BPNT2: variants seen among roughly 807,000 people sequenced by gnomAD.
BPNT2 encodes 3'(2'), 5'-bisphosphate nucleotidase 2.
A neutral mutation model predicts 29.3 loss-of-function variants in BPNT2; 11 were observed. That is an observed-to-expected ratio of 0.38 (90% CI 0.24 to 0.62). The LOEUF is 0.62. Ranked by LOEUF, BPNT2 falls within the 20% of genes least tolerant of loss-of-function variation. The probability of loss-of-function intolerance (pLI) is 0.62; values close to 1 mark genes in which losing one functional copy is unlikely to be tolerated. For synonymous variants in BPNT2, 195 were observed against 187.7 expected, an observed-to-expected ratio of 1.04 and a Z score of -0.32; for missense variants, 459 against 473.4, an observed-to-expected ratio of 0.97 and a Z score of 0.28.
chr8:56,959,576 A>G lies in BPNT2; in HGVS notation c.*4217T>C, dbSNP rs1805792778. On this transcript the variant is annotated 3_prime_UTR_variant, in exon 5 of 5. Transcript: ENST00000262644. Reference sequence around the variant, plus strand: ...TTTTAAACCAAAATGACTGTAGAGGACTAACAGCACACTGAAATAATTTAT... The same window carrying G: ...TTTTAAACCAAAATGACTGTAGAGGGCTAACAGCACACTGAAATAATTTAT... The G allele has an allele frequency of 6.6e-6, 1 of 152,336 alleles. No individual in the cohort carries two copies. The highest frequency in any genetic ancestry group is 2.1e-4 in the South Asian group (1 of 4,826). The allele number at this position is 152,336 out of a possible 1,614,324, so 9.4% of individuals were successfully genotyped here.
intron 4 of BPNT2, 94 bp from the exon 5 acceptor site, chr8:56,964,158 T>A (rs1404795537): frequency 1.1e-6 from 1 of 911,188 alleles, no homozygotes; most frequent in Non-Finnish European, 1.7e-6. Context: ...AATAGCAGGA[T>A]GGAGTGTGCA....
At chr8:56,981,941 G>A (rs1806252164) in intron 1 of BPNT2, among the ~76,000 whole-genome samples, 1 of 152,034 alleles carries the variant, frequency 6.6e-6, no homozygotes, top group Non-Finnish European at 1.5e-5. Flanking sequence ...CAATACATGA[G>A]TATTGTCAAT....
chr8:56,973,210 G>A (rs1272196779), intron 3 of BPNT2, among the ~76,000 whole-genome samples: 3 of 151,938 alleles, frequency 2.0e-5, no homozygotes, highest in South Asian at 2.1e-4. Flanking sequence ...CCTGGCTACC[G>A]AGAACCCCAT....
intron 3 of BPNT2, among the ~76,000 whole-genome samples, chr8:56,967,955 A>G (rs1805976796): frequency 6.6e-6 from 1 of 152,222 alleles, no homozygotes; most frequent in Non-Finnish European, 1.5e-5. Context: ...ATCCCACAAT[A>G]GCTGGCCCAA....
At chr8:56,993,047 C>T (rs1208507134) in intron 1 of BPNT2, 152 bp downstream of exon 1, 1 of 1,488,998 alleles carries the variant, frequency 6.7e-7, no homozygotes, top group Admixed American at 2.0e-5. Flanking sequence ...AGCTCCTCTG[C>T]TGTCTGTCTG....
chr8:56,992,670 T>C (rs897042777), intron 1 of BPNT2, among the ~76,000 whole-genome samples: 1 of 151,536 alleles, frequency 6.6e-6, no homozygotes, highest in Non-Finnish European at 1.5e-5. Flanking sequence ...GACAGCGAAA[T>C]GAGCATACTC....
Position 56,958,166 on chromosome 8 carries a change from A to G in BPNT2, c.*5627T>C, listed in dbSNP as rs973036238. 6.6e-6 allele frequency: 1 copy of G among 152,190 alleles called. No individual in the cohort carries two copies. The highest frequency in any genetic ancestry group is 2.4e-5 in the African/African-American group (1 of 41,436). The allele number at this position is 152,190 out of a possible 1,614,324, so 9.4% of individuals were successfully genotyped here. ...AAACAAACAACCAGCTTATACAACC[A>G]AGGCACAAAATATGCTAATGCTAAT... On this transcript the variant is annotated 3_prime_UTR_variant, in exon 5 of 5. Coordinates refer to ENST00000262644, the MANE Select transcript of BPNT2 (RefSeq NM_017813.5).
chr8:56,979,899 A>G (rs1806211598), intron 2 of BPNT2, 136 bp downstream of exon 2: 1 of 772,096 alleles, frequency 1.3e-6, no homozygotes, highest in East Asian at 2.7e-5. Context: ...AATATAAAAC[A>G]TTTTGCTACT....
At chr8:56,968,245 C>T (rs1018000663) in intron 3 of BPNT2, among the ~76,000 whole-genome samples, 3 of 151,554 alleles carry the variant, frequency 2.0e-5, no homozygotes, top group African/African-American at 4.8e-5. Flanking sequence ...AAGAAAAGAA[C>T]AAAATCACTG....
chr8:56,988,009 T>A (rs937329216), intron 1 of BPNT2, among the ~76,000 whole-genome samples: 3 of 152,130 alleles, frequency 2.0e-5, no homozygotes, highest in Admixed American at 6.5e-5. Flanking sequence ...ATTACAGGCA[T>A]GAGCCACCAC....
At chr8:56,966,107 C>T in intron 4 of BPNT2, 84 bp downstream of exon 4, 1 of 1,456,952 alleles carries the variant, frequency 6.9e-7, no homozygotes, top group Non-Finnish European at 9.6e-7. Flanking sequence ...TCCTCCCAAG[C>T]ATGGACAAGC....
rs1563401741 is a variant in BPNT2 at position 56,958,504 on chromosome 8, G to A, written c.*5289C>T. 1 of 152,082 alleles carries A rather than the reference G, an allele frequency of 6.6e-6. No homozygotes were observed. The highest frequency in any genetic ancestry group is 1.5e-5 in the Non-Finnish European group (1 of 68,014). 9.4% of individuals were successfully genotyped at this position (152,082 alleles called of 1,614,324 possible). A position where few individuals can be genotyped will look rare whatever the true frequency, so the allele number is the denominator to read the frequency against. On this transcript the variant is annotated 3_prime_UTR_variant, in exon 5 of 5. Transcript: ENST00000262644. ...TAAGCATGTGACGGCAACAGCTAAT[G>A]GTCTAGTTCCTCCATGGCTTTAAAT... is the stretch of plus-strand genomic sequence containing the variant.
chr8:56,991,202 C>T (rs1031749985), intron 1 of BPNT2, among the ~76,000 whole-genome samples: 4 of 152,232 alleles, frequency 2.6e-5, no homozygotes, highest in Non-Finnish European at 4.4e-5. Flanking sequence ...TACTTTGACA[C>T]TGTATAAATG....
In BPNT2 at chr8:56,962,144, TTGAA is replaced by T. The variant is rs1805848609; in HGVS notation, c.*1645_*1648del. 6.6e-6 allele frequency: 1 copy of T among 152,146 alleles called. No individual in the cohort carries two copies. Among genetic ancestry groups the T allele is most frequent in the African/African-American group, 2.4e-5 (1 of 41,450 alleles). The allele number at this position is 152,146 out of a possible 1,614,324, so 9.4% of individuals were successfully genotyped here. On this transcript the variant is annotated 3_prime_UTR_variant, in exon 5 of 5. Coordinates refer to ENST00000262644, the MANE Select transcript of BPNT2 (RefSeq NM_017813.5). ...ATCAAGTGTTCCACCTACCAAAACTTTGAATGAATTTTCACTGAAAAGGCCTACT... is the reference window on the plus strand; with the variant it reads ...ATCAAGTGTTCCACCTACCAAAACTTTGAATTTTCACTGAAAAGGCCTACT...
At position 56,973,827 on chromosome 8, in the gene BPNT2, A is replaced by C. The variant is rs1023962475; in HGVS notation, c.646+4223T>G. Among the ~76,000 whole-genome samples the C allele has an allele frequency of 1.1e-4, 17 of 152,246 alleles. 1 individual carries two copies. Among genetic ancestry groups the C allele is most frequent in the African/African-American group, 2.4e-5 (1 of 41,480 alleles). The stretch of plus-strand genomic sequence containing the variant: ...GGACCATTTTACGATACAGTCACTG[A>C]AACTAAAGCAAATAAGGAAGGATTG... On this transcript the variant is annotated intron_variant, in intron 3 of 4. Coordinates refer to ENST00000262644, the MANE Select transcript of BPNT2 (RefSeq NM_017813.5).
intron 1 of BPNT2, among the ~76,000 whole-genome samples, chr8:56,988,323 T>C (rs1162513999): frequency 6.6e-6 from 1 of 152,174 alleles, no homozygotes; most frequent in African/African-American, 2.4e-5. Flanking sequence ...TAATCATAGG[T>C]TGCCTGAGTT....
intron 3 of BPNT2, 56 bp from the exon 4 acceptor site, chr8:56,966,408 A>G: frequency 1.4e-6 from 2 of 1,477,682 alleles, no homozygotes; most frequent in Non-Finnish European, 1.9e-6. Flanking sequence ...ACTAAAGGTT[A>G]TATTCTTCAG....
Position 56,961,584 on chromosome 8 carries a change from A to C in BPNT2, c.*2209T>G, listed in dbSNP as rs972985373. On this transcript the variant is annotated 3_prime_UTR_variant, in exon 5 of 5. Coordinates refer to ENST00000262644, the MANE Select transcript of BPNT2 (RefSeq NM_017813.5). ...TTAATACAATTAAAAATAAAAATAA[A>C]ATCATCACTTTGGGAGGCCGAGGTG... The C allele has an allele frequency of 6.6e-6, 1 of 152,110 alleles. No individual in the cohort carries two copies. The highest frequency in any genetic ancestry group is 1.5e-5 in the Non-Finnish European group (1 of 68,030). The allele number at this position is 152,110 out of a possible 1,614,324, so 9.4% of individuals were successfully genotyped here. A position where few individuals can be genotyped will look rare whatever the true frequency, so the allele number is the denominator to read the frequency against.
chr8:56,966,265 T>C lies in BPNT2; in HGVS notation c.734A>G (p.His245Arg). 6.2e-7 allele frequency: 1 copy of C among 1,614,036 alleles called. No homozygotes were observed. The highest frequency in any genetic ancestry group is 8.5e-7 in the Non-Finnish European group (1 of 1,179,908). ...KTPRIVVSRSHSGMVKQVALQ... is the reference protein window; with the variant it reads ...KTPRIVVSRSRSGMVKQVALQ... The stretch of plus-strand genomic sequence containing the variant: ...AGCGACCTGTTTGACCATCCCTGAA[T>C]GGGAACGAGACACAACGATCCTTGG... The change falls in exon 4 of 5, where the codon CAT becomes CGT. Residue 245 changes from histidine to arginine, a missense_variant. Transcript: ENST00000262644.
Sources: allele counts gnomAD v4.1 joint callset (sites outside exome capture counted in the v4.1 genomes callset), GRCh38; gene constraint gnomAD v4.1.1; transcripts MANE v1.5; gene names NCBI Gene and HGNC (gene_info 2026-07-23, HGNC 2026-07-21).